CTNNA2: variants seen among roughly 807,000 people sequenced by gnomAD.
CTNNA2 encodes the protein catenin alpha-2.
Under a neutral mutation model 101.0 loss-of-function variants are expected in CTNNA2, and 42 were observed. The observed-to-expected ratio is 0.42, with a 90% CI of 0.32 to 0.54. The LOEUF is 0.54. CTNNA2 is among the 20% of genes least tolerant of loss of function. The pLI is 0.14. For synonymous variants in CTNNA2, 450 were observed against 456.4 expected (o/e 0.99, Z 0.18); for missense variants, 871 against 1,223.1 (o/e 0.71, Z 4.29).
chr2:80,554,159 T>C (rs981781703), intron 11 of CTNNA2, among the ~76,000 whole-genome samples: 1 of 152,152 alleles, frequency 6.6e-6, no homozygotes, highest in Non-Finnish European at 1.5e-5. Flanking sequence ...CCTAAAAATA[T>C]AAATTTTCTT....
At chr2:79,631,959 G>A (rs1261332250) in intron 1 of CTNNA2, among the ~76,000 whole-genome samples, 2 of 151,938 alleles carry the variant, frequency 1.3e-5, no homozygotes, top group Non-Finnish European at 2.9e-5. Context: ...TCCTTAAATT[G>A]TTCTATAAAG....
chr2:79,416,604 G>A (rs1384704862), intron 4 of CTNNA2, among the ~76,000 whole-genome samples: 2 of 151,926 alleles, frequency 1.3e-5, no homozygotes, highest in African/African-American at 4.8e-5. Flanking sequence ...TGTATTTAAA[G>A]CTTTGTCTTC....
intron 4 of CTNNA2, among the ~76,000 whole-genome samples, chr2:79,375,383 C>T (rs537631789): frequency 9.9e-5 from 15 of 152,200 alleles, no homozygotes; most frequent in Non-Finnish European, 2.1e-4. Context: ...AGTAGTTGTT[C>T]ATTAATGAGT....
chr2:79,773,267 T>C (rs1379044663), intron 3 of CTNNA2, among the ~76,000 whole-genome samples: 1 of 152,152 alleles, frequency 6.6e-6, no homozygotes, highest in Non-Finnish European at 1.5e-5. Flanking sequence ...ACGAGGTAAG[T>C]CTCAATGATT....
At chr2:79,810,121 C>A (rs1327399702) in intron 3 of CTNNA2, among the ~76,000 whole-genome samples, 1 of 152,082 alleles carries the variant, frequency 6.6e-6, no homozygotes, top group Admixed American at 6.6e-5. Flanking sequence ...TAAAAGACAT[C>A]ATCATTTCTT....
intron 7 of CTNNA2, among the ~76,000 whole-genome samples, chr2:80,042,523 T>C (rs1696135064): frequency 6.6e-6 from 1 of 152,156 alleles, no homozygotes; most frequent in South Asian, 2.1e-4. Context: ...GGCACCTCTT[T>C]TACCTAGAGC....
intron 1 of CTNNA2, among the ~76,000 whole-genome samples, chr2:79,569,589 C>G (rs1336454018): frequency 6.6e-6 from 1 of 152,138 alleles, no homozygotes; most frequent in African/African-American, 2.4e-5. Flanking sequence ...CTAGTAGGAT[C>G]TGTCAGGTCT....
intron 4 of CTNNA2, among the ~76,000 whole-genome samples, chr2:79,433,705 A>AG (rs1313898853): frequency 1.3e-5 from 2 of 151,956 alleles, no homozygotes; most frequent in Non-Finnish European, 2.9e-5. Context: ...ACTTGTAACC[A>AG]GAAAACTTGT....
rs1181783706 is a variant in CTNNA2 at position 79,756,231 on chromosome 2, T to A, written c.298+11649T>A. Among the ~76,000 whole-genome samples, 6 of 152,196 alleles carry A rather than the reference T, an allele frequency of 3.9e-5. No individual in the cohort carries two copies. In the East Asian group the frequency reaches 1.2e-3, roughly 29 times the overall value. On this transcript the variant is annotated intron_variant, in intron 3 of 18. Coordinates refer to ENST00000402739, the MANE Select transcript of CTNNA2 (RefSeq NM_001282597.3). ...AACAGCAACAATAGCAATGGTTTAT[T>A]GTTTGCCACTCCATTTGTAAGAAAC...
At chr2:79,483,189 G>T (rs1257182695) in intron 4 of CTNNA2, among the ~76,000 whole-genome samples, 1 of 152,214 alleles carries the variant, frequency 6.6e-6, no homozygotes, top group African/African-American at 2.4e-5. Context: ...ACAGTGAAAA[G>T]AAATATGTTG....
At chr2:79,572,067 CTTTAG>C (rs1361203957) in intron 1 of CTNNA2, among the ~76,000 whole-genome samples, 1 of 152,064 alleles carries the variant, frequency 6.6e-6, no homozygotes, top group Non-Finnish European at 1.5e-5. Flanking sequence ...TTTTATTGAA[CTTTAG>C]TTTATCTTTT....
At chr2:79,804,918 G>A (rs1380437984) in intron 3 of CTNNA2, among the ~76,000 whole-genome samples, 1 of 152,158 alleles carries the variant, frequency 6.6e-6, no homozygotes, top group Admixed American at 6.5e-5. Context: ...CTTTTAAGGG[G>A]AAATTGCCCC....
At chr2:79,650,469 G>A (rs1199529550) in intron 1 of CTNNA2, among the ~76,000 whole-genome samples, 1 of 151,938 alleles carries the variant, frequency 6.6e-6, no homozygotes, top group African/African-American at 2.4e-5. Context: ...CAGTTATGAT[G>A]TGAAGAAAAA....
intron 6 of CTNNA2, among the ~76,000 whole-genome samples, chr2:79,900,263 T>A (rs1684987342): frequency 6.6e-6 from 1 of 152,152 alleles, no homozygotes; most frequent in African/African-American, 2.4e-5. Context: ...GGGTTACTAG[T>A]CAAGTATTTT....
chr2:80,144,746 T>C (rs976340084), intron 7 of CTNNA2, among the ~76,000 whole-genome samples: 16 of 152,226 alleles, frequency 1.1e-4, no homozygotes, highest in African/African-American at 3.9e-4. Flanking sequence ...CAATCTTCAT[T>C]AACTGCATTA....
chr2:79,412,435 A>G (rs1458665379), intron 4 of CTNNA2, among the ~76,000 whole-genome samples: 1 of 152,034 alleles, frequency 6.6e-6, no homozygotes, highest in Non-Finnish European at 1.5e-5. Flanking sequence ...AAATCAACAG[A>G]GTATACATTT....
At chr2:80,322,649 T>A (rs1420569767) in intron 7 of CTNNA2, among the ~76,000 whole-genome samples, 2 of 151,866 alleles carry the variant, frequency 1.3e-5, no homozygotes, top group Admixed American at 6.6e-5. Context: ...CCGCCGCGTG[T>A]GTTGTCAGGA....
chr2:79,996,142 G>A (rs17018384), intron 7 of CTNNA2, among the ~76,000 whole-genome samples: 2 of 152,060 alleles, frequency 1.3e-5, no homozygotes, highest in Non-Finnish European at 2.9e-5. Context: ...TTACTGTTAT[G>A]TCTTAATAAA....
intron 3 of CTNNA2, among the ~76,000 whole-genome samples, chr2:79,348,601 T>G (rs1677315670): frequency 6.6e-6 from 1 of 152,170 alleles, no homozygotes; most frequent in Non-Finnish European, 1.5e-5. Flanking sequence ...GAGCTAAAAT[T>G]TGTGGTTATG....
Sources: gnomAD v4.1 joint callset for allele counts (sites outside exome capture counted in the v4.1 genomes callset) on GRCh38, gnomAD v4.1.1 for gene constraint, MANE v1.5 for transcripts, NCBI Gene and HGNC (gene_info 2026-07-23, HGNC 2026-07-21) for gene names.